The following MACROD2 variants were observed in gnomAD, a reference collection of about 807,000 sequenced individuals.
The protein encoded by MACROD2 is ADP-ribose glycohydrolase MACROD2.
A neutral mutation model predicts 70.4 loss-of-function variants in MACROD2; 36 were observed. That is an observed-to-expected ratio of 0.51 (90% CI 0.39 to 0.68). The LOEUF is 0.68. Ranked by LOEUF, MACROD2 falls within the 30% of genes least tolerant of loss-of-function variation. The pLI, the probability that MACROD2 is intolerant of heterozygous loss-of-function variation, is 0.00. For synonymous variants in MACROD2, 172 were observed against 178.8 expected, an observed-to-expected ratio of 0.96 and a Z score of 0.30; for missense variants, 496 against 538.4, an observed-to-expected ratio of 0.92 and a Z score of 0.78.
At chr20:14,206,314 G>A (rs1025107406) in intron 3 of MACROD2, among the ~76,000 whole-genome samples, 2 of 152,184 alleles carry the variant, frequency 1.3e-5, no homozygotes, top group Admixed American at 1.3e-4. Context: ...CTGTGGAACT[G>A]ATGGGGCAGA....
intron 8 of MACROD2, among the ~76,000 whole-genome samples, chr20:15,838,335 A>G (rs888551971): frequency 1.8e-4 from 28 of 152,144 alleles, no homozygotes; most frequent in African/African-American, 6.8e-4. Context: ...TAATAGTGAT[A>G]TTCTCATTTC....
Position 14,995,676 on chromosome 20 carries a change from G to A in MACROD2, c.419-234264G>A, listed in dbSNP as rs112538174. 7.1e-3 allele frequency among the ~76,000 whole-genome samples: 1,083 copies of A among 152,024 alleles called. 20 individuals are homozygous for A. Among genetic ancestry groups the A allele is most frequent in the African/African-American group, 0.024 (1,003 of 41,438 alleles). On this transcript the variant is annotated intron_variant, in intron 5 of 17. Transcript: ENST00000684519. ...GAATTAAGCTAAATATTGACAAAAC[G>A]TTAAATTAAAAATACCAAAATGGTA...
At chr20:14,072,422 TCCCAGC>T (rs2053857854) in intron 2 of MACROD2, among the ~76,000 whole-genome samples, 1 of 119,826 alleles carries the variant, frequency 8.3e-6, no homozygotes, top group Non-Finnish European at 1.8e-5. Flanking sequence ...TGGGTTCAAA[TCCCAGC>T]CTTCTTACCT....
intron 8 of MACROD2, among the ~76,000 whole-genome samples, chr20:15,699,758 G>A (rs1482367632): frequency 2.0e-5 from 3 of 152,176 alleles, no homozygotes; most frequent in Non-Finnish European, 4.4e-5. Flanking sequence ...CCTCCCCTGA[G>A]TTCTTGCCAG....
intron 8 of MACROD2, among the ~76,000 whole-genome samples, chr20:15,682,055 G>A (rs1057494718): frequency 2.0e-5 from 3 of 152,150 alleles, no homozygotes; most frequent in Non-Finnish European, 4.4e-5. Context: ...GATAGCACCT[G>A]TTTTGTCAAT....
intron 8 of MACROD2, among the ~76,000 whole-genome samples, chr20:15,681,643 G>T (rs185327067): frequency 3.4e-4 from 52 of 152,356 alleles, no homozygotes; most frequent in African/African-American, 1.3e-3. Flanking sequence ...AGAATGGCCA[G>T]TAGTTTGCAG....
At chr20:15,486,860 T>C (rs1211863175) in intron 7 of MACROD2, among the ~76,000 whole-genome samples, 1 of 152,198 alleles carries the variant, frequency 6.6e-6, no homozygotes, top group Non-Finnish European at 1.5e-5. Flanking sequence ...TTTTTCCGCA[T>C]TACAAACAAC....
intron 5 of MACROD2, among the ~76,000 whole-genome samples, chr20:14,815,839 T>C (rs1403863394): frequency 6.6e-6 from 1 of 152,102 alleles, no homozygotes; most frequent in African/African-American, 2.4e-5. Context: ...CATGAGTTCA[T>C]GTAACCCTTA....
chr20:15,511,287 A>G (rs569389270), intron 8 of MACROD2, among the ~76,000 whole-genome samples: 32 of 152,338 alleles, frequency 2.1e-4, no homozygotes, highest in Admixed American at 2.6e-4. Flanking sequence ...CTGAAATAAG[A>G]CATATGAATT....
At chr20:16,039,233 T>A (rs1183196740) in intron 15 of MACROD2, among the ~76,000 whole-genome samples, 1 of 152,038 alleles carries the variant, frequency 6.6e-6, no homozygotes, top group Non-Finnish European at 1.5e-5. Context: ...AGGGTTAGTC[T>A]GAATCATTAC....
intron 3 of MACROD2, among the ~76,000 whole-genome samples, chr20:14,133,819 C>T (rs2054752538): frequency 6.6e-6 from 1 of 152,224 alleles, no homozygotes; most frequent in African/African-American, 2.4e-5. Flanking sequence ...TGGGCAGGTA[C>T]CCCACAGCTG....
chr20:14,634,073 GC>G, intron 4 of MACROD2, among the ~76,000 whole-genome samples: 1 of 152,248 alleles, frequency 6.6e-6, no homozygotes, highest in East Asian at 1.9e-4. Flanking sequence ...TCTCTTCACA[GC>G]CCCCTGGGCG....
intron 4 of MACROD2, among the ~76,000 whole-genome samples, chr20:14,506,241 C>T (rs897166659): frequency 2.0e-5 from 3 of 152,050 alleles, no homozygotes; most frequent in Admixed American, 6.5e-5. Flanking sequence ...CAGTGGAGAC[C>T]AAAGAGACCC....
intron 8 of MACROD2, among the ~76,000 whole-genome samples, chr20:15,740,032 A>G (rs899820302): frequency 3.9e-5 from 6 of 152,220 alleles, no homozygotes; most frequent in Non-Finnish European, 8.8e-5. Context: ...GACAAGGTTT[A>G]TGTCTACTTC....
intron 15 of MACROD2, among the ~76,000 whole-genome samples, chr20:16,015,519 T>G (rs775105): frequency 0.25 from 37,612 of 152,112 alleles, 4,812 homozygotes; most frequent in South Asian, 0.35. Flanking sequence ...ATGTTTATTT[T>G]TCCATGTAAA....
At chr20:15,375,726 A>T (rs933493040) in intron 6 of MACROD2, among the ~76,000 whole-genome samples, 3 of 152,154 alleles carry the variant, frequency 2.0e-5, no homozygotes, top group Admixed American at 6.6e-5. Flanking sequence ...TGTGCTGGGC[A>T]TTTTATACAT....
intron 3 of MACROD2, among the ~76,000 whole-genome samples, chr20:14,485,134 G>A (rs6079461): frequency 0.26 from 39,961 of 151,480 alleles, 5,421 homozygotes; most frequent in Admixed American, 0.31. Context: ...TTTTATAGAA[G>A]CCCCAGTATG....
intron 6 of MACROD2, among the ~76,000 whole-genome samples, chr20:15,304,789 G>A (rs1380633233): frequency 6.6e-6 from 1 of 152,130 alleles, no homozygotes; most frequent in Non-Finnish European, 1.5e-5. Flanking sequence ...TGTGAGGTCT[G>A]ATCCCAGCCA....
chr20:15,601,369 G>C (rs1048340146), intron 8 of MACROD2, among the ~76,000 whole-genome samples: 11 of 151,982 alleles, frequency 7.2e-5, no homozygotes, highest in Admixed American at 7.2e-4. Context: ...TTAAATGTGT[G>C]CGCCCATTCA....
Sources: gnomAD v4.1 joint callset for allele counts (sites outside exome capture counted in the v4.1 genomes callset) on GRCh38, gnomAD v4.1.1 for gene constraint, MANE v1.5 for transcripts, NCBI Gene and HGNC (gene_info 2026-07-23, HGNC 2026-07-21) for gene names.